Variants in UST observed in about 807,000 individuals in gnomAD.
The protein encoded by UST is uronyl 2-sulfotransferase.
UST carries 21 observed loss-of-function variants against 45.6 expected under a neutral mutation model. That is an observed-to-expected ratio of 0.46 (90% confidence interval 0.33 to 0.66). UST has a LOEUF of 0.66. UST is among the 30% of genes least tolerant of loss of function. The probability of loss-of-function intolerance (pLI) is 0.02; values close to 1 mark genes in which losing one functional copy is unlikely to be tolerated. For synonymous variants in UST, 215 were observed against 200.6 expected (o/e 1.07, Z -0.61); for missense variants, 463 against 512.4 (o/e 0.90, Z 0.93).
chr6:148,948,373 G>C (rs1480002130), intron 3 of UST, among the ~76,000 whole-genome samples: 1 of 152,240 alleles, frequency 6.6e-6, no homozygotes, highest in Non-Finnish European at 1.5e-5. Flanking sequence ...TACCGCCTCT[G>C]CTGACAAATA....
chr6:148,880,767 C>G (rs1248051502), intron 1 of UST, among the ~76,000 whole-genome samples: 1 of 152,190 alleles, frequency 6.6e-6, no homozygotes, highest in Non-Finnish European at 1.5e-5. Context: ...TGGTGGCTCA[C>G]ACCTATAATC....
intron 7 of UST, among the ~76,000 whole-genome samples, chr6:149,064,907 T>TA (rs1421280179): frequency 7.6e-5 from 11 of 145,180 alleles, no homozygotes; most frequent in African/African-American, 2.8e-4. Context: ...AAAAAAAAAA[T>TA]ACCCCACGGG....
Position 149,073,877 on chromosome 6 carries a change from G to C in UST, c.982G>C (p.Val328Leu), listed in dbSNP as rs1433342684. 6.2e-7 allele frequency: 1 copy of C among 1,614,158 alleles called. No individual in the cohort carries two copies. Among genetic ancestry groups the C allele is most frequent in the Non-Finnish European group, 8.5e-7 (1 of 1,180,016 alleles). Reference sequence around the variant, plus strand: ...CATGACTGTGACGGTGAAGAAGACTGTCCCCTCTCCTGAGGCTGTGCAGAT... The same window carrying C: ...CATGACTGTGACGGTGAAGAAGACTCTCCCCTCTCCTGAGGCTGTGCAGAT... ...GNMTVTVKKT[V>L]PSPEAVQILY... The change falls in exon 8 of 8, where the codon GTC becomes CTC. Residue 328 changes from valine to leucine, a missense_variant. Transcript: ENST00000367463.
intron 5 of UST, among the ~76,000 whole-genome samples, chr6:149,004,789 G>A (rs1294357049): frequency 1.3e-5 from 2 of 152,088 alleles, no homozygotes; most frequent in Non-Finnish European, 2.9e-5. Flanking sequence ...AGTACAATGG[G>A]CAGAACTAGG....
At chr6:148,947,316 T>A (rs1780265425) in intron 3 of UST, among the ~76,000 whole-genome samples, 1 of 152,202 alleles carries the variant, frequency 6.6e-6, no homozygotes, top group Non-Finnish European at 1.5e-5. Flanking sequence ...ATACATGGGT[T>A]AATAAAAAAT....
chr6:148,926,985 G>A (rs1036960552), intron 2 of UST, among the ~76,000 whole-genome samples: 8 of 152,104 alleles, frequency 5.3e-5, no homozygotes, highest in African/African-American at 1.7e-4. Flanking sequence ...ACTCTATGGG[G>A]ATGAAAGAAA....
chr6:148,827,244 T>C (rs1291525738), intron 1 of UST, among the ~76,000 whole-genome samples: 1 of 152,198 alleles, frequency 6.6e-6, no homozygotes, highest in Admixed American at 6.5e-5. Context: ...ATTCTACTTT[T>C]TAGAGTGGAA....
chr6:149,062,178 T>C (rs971971628), intron 7 of UST, among the ~76,000 whole-genome samples: 1 of 152,226 alleles, frequency 6.6e-6, no homozygotes, highest in Non-Finnish European at 1.5e-5. Flanking sequence ...AACATAATGT[T>C]CTTCAACAGA....
chr6:148,856,557 A>G (rs765894792), intron 1 of UST, among the ~76,000 whole-genome samples: 4 of 152,216 alleles, frequency 2.6e-5, no homozygotes, highest in Non-Finnish European at 5.9e-5. Flanking sequence ...CCCTTAGTCA[A>G]TAAAGGCCAG....
At chr6:148,848,494 A>G (rs1462006305) in intron 1 of UST, among the ~76,000 whole-genome samples, 1 of 152,098 alleles carries the variant, frequency 6.6e-6, no homozygotes. Context: ...AACATGGTGA[A>G]ACCCTGTCTC....
chr6:149,001,662 G>C (rs1178382987), intron 5 of UST, among the ~76,000 whole-genome samples: 1 of 152,172 alleles, frequency 6.6e-6, no homozygotes, highest in Non-Finnish European at 1.5e-5. Context: ...TTCAGACACA[G>C]AGAGTTTCCT....
At chr6:148,856,936 G>A (rs746957467) in intron 1 of UST, among the ~76,000 whole-genome samples, 2 of 149,732 alleles carry the variant, frequency 1.3e-5, no homozygotes, top group Non-Finnish European at 3.0e-5. Flanking sequence ...CTGGCAATGA[G>A]AGCTTTGTGA....
rs1034145761 is a variant in UST, at chr6:148,941,079, C to T, written c.292-200C>T. 3.3e-5 allele frequency among the ~76,000 whole-genome samples: 5 copies of T among 152,216 alleles called. No homozygotes were observed. In the East Asian group the frequency reaches 7.7e-4, roughly 23 times the overall value. On this transcript the variant is annotated intron_variant, in intron 2 of 7. Coordinates refer to ENST00000367463, the MANE Select transcript of UST (RefSeq NM_005715.3). Reference sequence around the variant, plus strand: ...CAGTGCAGAGAGTTAAGAAGACCAACATTTCTCTTGTTATATCATGAAGAT... The same window carrying T: ...CAGTGCAGAGAGTTAAGAAGACCAATATTTCTCTTGTTATATCATGAAGAT...
intron 2 of UST, among the ~76,000 whole-genome samples, chr6:148,917,320 G>T (rs1303907265): frequency 6.6e-6 from 1 of 152,220 alleles, no homozygotes; most frequent in Non-Finnish European, 1.5e-5. Flanking sequence ...CTAGTACACA[G>T]GGCCATGCAT....
chr6:148,817,938 T>A (rs1346862540), intron 1 of UST, among the ~76,000 whole-genome samples: 1 of 152,186 alleles, frequency 6.6e-6, no homozygotes, highest in Non-Finnish European at 1.5e-5. Context: ...GTGGCTGCTG[T>A]CACACTACAA....
chr6:149,044,339 T>C (rs2115033031), intron 7 of UST, among the ~76,000 whole-genome samples: 1 of 152,342 alleles, frequency 6.6e-6, no homozygotes, highest in South Asian at 2.1e-4. Context: ...CTCTTGTCAG[T>C]GTCTGACTTC....
intron 1 of UST, among the ~76,000 whole-genome samples, chr6:148,819,871 C>T (rs1254722786): frequency 1.3e-5 from 2 of 152,170 alleles, no homozygotes; most frequent in Non-Finnish European, 2.9e-5. Context: ...TTATCTACAC[C>T]TCCTTCCATG....
At chr6:148,847,547 G>A (rs756156394) in intron 1 of UST, among the ~76,000 whole-genome samples, 10 of 152,270 alleles carry the variant, frequency 6.6e-5, no homozygotes, top group Admixed American at 2.0e-4. Flanking sequence ...ATTTCCCCTC[G>A]TGTGGTTGTT....
chr6:149,001,498 C>T (rs1251369092), intron 5 of UST, among the ~76,000 whole-genome samples: 1 of 152,148 alleles, frequency 6.6e-6, no homozygotes, highest in Non-Finnish European at 1.5e-5. Flanking sequence ...AAGCAGATGA[C>T]CAATGAAGGA....
Sources: allele counts gnomAD v4.1 joint callset (sites outside exome capture counted in the v4.1 genomes callset), GRCh38; gene constraint gnomAD v4.1.1; transcripts MANE v1.5; gene names NCBI Gene and HGNC (gene_info 2026-07-23, HGNC 2026-07-21).